The following EPHA7 variants were observed in gnomAD, a reference collection of about 807,000 sequenced individuals.
The protein encoded by EPHA7 is ephrin type-A receptor 7.
A neutral mutation model predicts 112.6 loss-of-function variants in EPHA7; 25 were observed. The observed-to-expected ratio is 0.22, with a 90% CI of 0.16 to 0.31. EPHA7 has a LOEUF of 0.31. EPHA7 is among the 10% of genes least tolerant of loss of function. EPHA7 has a pLI of 1.00. For synonymous variants in EPHA7, 437 were observed against 406.5 expected, an observed-to-expected ratio of 1.07 and a Z score of -0.90; for missense variants, 962 against 1,212.6, an observed-to-expected ratio of 0.79 and a Z score of 3.07.
intron 3 of EPHA7, among the ~76,000 whole-genome samples, chr6:93,359,787 T>C (rs542279639): frequency 3.9e-5 from 6 of 152,040 alleles, no homozygotes; most frequent in African/African-American, 1.4e-4. Flanking sequence ...AGGTATTTTA[T>C]ATAATTTAAA....
chr6:93,334,389 A>G (rs1774753260), intron 5 of EPHA7, among the ~76,000 whole-genome samples: 1 of 152,020 alleles, frequency 6.6e-6, no homozygotes, highest in African/African-American at 2.4e-5. Flanking sequence ...AAAAAAATTG[A>G]CAAATGGGAG....
At chr6:93,348,545 T>C (rs1775524479) in intron 5 of EPHA7, among the ~76,000 whole-genome samples, 2 of 151,850 alleles carry the variant, frequency 1.3e-5, no homozygotes, top group South Asian at 4.1e-4. Context: ...CTTTAATATT[T>C]TATAAGAAGG....
At chr6:93,419,112 G>A (rs1779398516) in intron 1 of EPHA7, 133 bp downstream of exon 1, 1 of 626,754 alleles carries the variant, frequency 1.6e-6, no homozygotes, top group Non-Finnish European at 2.5e-6. Flanking sequence ...CAGCGGTGAG[G>A]GGGCGGGGAG....
intron 3 of EPHA7, among the ~76,000 whole-genome samples, chr6:93,399,655 C>T (rs1778343780): frequency 6.6e-6 from 1 of 151,908 alleles, no homozygotes; most frequent in Non-Finnish European, 1.5e-5. Flanking sequence ...CTTTTGTTTT[C>T]CCCTCTTGTT....
intron 13 of EPHA7, among the ~76,000 whole-genome samples, 188 bp downstream of exon 13, chr6:93,255,640 C>A (rs755786519): frequency 4.6e-5 from 7 of 151,698 alleles, no homozygotes; most frequent in Non-Finnish European, 8.8e-5. Flanking sequence ...CCTTCTTAGT[C>A]TATATATATA....
At chr6:93,243,779 G>A (rs774902277) in intron 16 of EPHA7, among the ~76,000 whole-genome samples, 1 of 152,008 alleles carries the variant, frequency 6.6e-6, no homozygotes, top group Non-Finnish European at 1.5e-5. Flanking sequence ...CACTTTTAAA[G>A]TGATTTGAAA....
In EPHA7 at chr6:93,410,794, T is replaced by C; in HGVS notation, c.539A>G (p.Lys180Arg). 6.2e-7 allele frequency: 1 copy of C among 1,614,082 alleles called. No individual in the cohort carries two copies. ...EVREIGPLSK[K>R]GFYLAFQDVG... Reference sequence around the variant, plus strand: ...ATCCTGAAAGGCAAGATAGAATCCCTTTTTGGACAAAGGTCCAATCTCTCT... The same window carrying C: ...ATCCTGAAAGGCAAGATAGAATCCCCTTTTGGACAAAGGTCCAATCTCTCT... The change falls in exon 3 of 17, where the codon AAG (lysine) becomes AGG (arginine). Residue 180 changes from lysine (K) to arginine (R), a missense_variant. Lys to Arg is a conservative substitution (Grantham distance 26). This residue lies in a region of EPHA7 where 160 missense variants were observed against 263.6 expected (regional missense o/e 0.61). Coordinates refer to ENST00000369303, the MANE Select transcript of EPHA7 (RefSeq NM_004440.4). The surrounding 1 kb of genome is among the most constrained non-coding windows in gnomAD (Gnocchi z 4.0).
chr6:93,304,472 G>C (rs888538188), intron 5 of EPHA7, among the ~76,000 whole-genome samples: 2 of 151,958 alleles, frequency 1.3e-5, no homozygotes, highest in African/African-American at 4.8e-5. Context: ...TCTACTGAGT[G>C]CCACTATACC....
chr6:93,261,804 A>G (rs1277398884), intron 9 of EPHA7, among the ~76,000 whole-genome samples: 7 of 151,500 alleles, frequency 4.6e-5, no homozygotes, highest in Admixed American at 1.3e-4. Flanking sequence ...ATGCAACTAT[A>G]TATTTTCTAA....
chr6:93,339,187 A>G (rs1408926918), intron 5 of EPHA7, among the ~76,000 whole-genome samples: 1 of 151,648 alleles, frequency 6.6e-6, no homozygotes, highest in Non-Finnish European at 1.5e-5. Flanking sequence ...TCATTTTTAG[A>G]AACTGATTAT....
At chr6:93,254,088 T>C (rs1409854950) in intron 14 of EPHA7, among the ~76,000 whole-genome samples, 1 of 152,098 alleles carries the variant, frequency 6.6e-6, no homozygotes, top group Non-Finnish European at 1.5e-5. Flanking sequence ...TTAATAAATA[T>C]ACTTTTAAAA....
chr6:93,312,144 T>C (rs573577885), intron 5 of EPHA7, among the ~76,000 whole-genome samples: 7 of 152,230 alleles, frequency 4.6e-5, no homozygotes, highest in African/African-American at 1.7e-4. Flanking sequence ...CCAACTCCAA[T>C]TCACCAGGTG....
chr6:93,419,470 G>A lies in EPHA7; in HGVS notation c.-129C>T. 1.5e-6 allele frequency: 1 copy of A among 674,922 alleles called. No individual in the cohort carries two copies. Among genetic ancestry groups the A allele is most frequent in the Non-Finnish European group, 2.5e-6 (1 of 407,478 alleles). The allele number at this position is 674,922 out of a possible 1,614,324, so 41.8% of individuals were successfully genotyped here. ...CGATTCCCCTTCTCGGTCCCCGATCGGCTGCTCCACGTTTAGCTTTTTTTA... is the reference window on the plus strand; with the variant it reads ...CGATTCCCCTTCTCGGTCCCCGATCAGCTGCTCCACGTTTAGCTTTTTTTA... On this transcript the variant is annotated 5_prime_UTR_variant, in exon 1 of 17. Coordinates refer to ENST00000369303, the MANE Select transcript of EPHA7 (RefSeq NM_004440.4).
At chr6:93,266,673 T>G (rs1770955235) in intron 7 of EPHA7, among the ~76,000 whole-genome samples, 1 of 151,714 alleles carries the variant, frequency 6.6e-6, no homozygotes, top group Non-Finnish European at 1.5e-5. Context: ...AGTGCTCAAG[T>G]GACTTCTTTT....
In EPHA7 at chr6:93,245,489, C is replaced by G. The variant is rs1003404422; in HGVS notation, c.2727-36G>C. 7.5e-6 allele frequency: 12 copies of G among 1,590,320 alleles called. No individual in the cohort carries two copies. The East Asian group carries it at 1.6e-4, about 21-fold the overall frequency. On this transcript the variant is annotated intron_variant, in intron 15 of 16. Coordinates refer to ENST00000369303, the MANE Select transcript of EPHA7 (RefSeq NM_004440.4). ...ATGAAACAGAAAAGCGAACATTATC[C>G]TGAAATACCAAAGAAAGAATGTTTT...
At chr6:93,348,107 T>C (rs1022520049) in intron 5 of EPHA7, among the ~76,000 whole-genome samples, 2 of 151,830 alleles carry the variant, frequency 1.3e-5, no homozygotes, top group African/African-American at 4.8e-5. Context: ...TCATTACAAA[T>C]ATTAACCATA....
intron 3 of EPHA7, among the ~76,000 whole-genome samples, chr6:93,390,031 G>A (rs955490397): frequency 9.2e-5 from 14 of 151,948 alleles, no homozygotes; most frequent in Middle Eastern, 3.4e-3. Flanking sequence ...ACAGGGTTCT[G>A]GTTTAACAAA....
At chr6:93,329,316 G>A (rs1774472912) in intron 5 of EPHA7, among the ~76,000 whole-genome samples, 1 of 151,370 alleles carries the variant, frequency 6.6e-6, no homozygotes, top group African/African-American at 2.4e-5. Flanking sequence ...TAACTGAAAT[G>A]TTTAATTGCT....
chr6:93,369,957 T>C (rs1776704432), intron 3 of EPHA7, among the ~76,000 whole-genome samples: 1 of 152,172 alleles, frequency 6.6e-6, no homozygotes. Context: ...CAGCCTTGGC[T>C]ACAGAAGTAA....
Sources: allele counts gnomAD v4.1 joint callset (sites outside exome capture counted in the v4.1 genomes callset), GRCh38; gene constraint gnomAD v4.1.1; regional missense constraint gnomAD v4.1.1; non-coding constraint Gnocchi (gnomAD v3.1); transcripts MANE v1.5; gene names NCBI Gene and HGNC (gene_info 2026-07-23, HGNC 2026-07-21).